UBAC2: variants seen among roughly 807,000 people sequenced by gnomAD.
UBAC2 encodes the protein ubiquitin-associated domain-containing protein 2.
Under a neutral mutation model 44.0 loss-of-function variants are expected in UBAC2, and 26 were observed. The observed-to-expected ratio is 0.59, with a 90% CI of 0.43 to 0.82. UBAC2 has a LOEUF of 0.82. Among genes scored for constraint, UBAC2 ranks in the 40% least tolerant of loss-of-function variants. UBAC2 has a pLI of 0.00. For missense variants in UBAC2, 329 were observed against 419.4 expected, an observed-to-expected ratio of 0.78 and a Z score of 1.88; for synonymous variants, 155 against 154.3, an observed-to-expected ratio of 1.00 and a Z score of -0.04.
intron 3 of UBAC2, 142 bp from the exon 4 acceptor site, chr13:99,244,373 A>G: frequency 3.6e-6 from 2 of 552,560 alleles, no homozygotes; most frequent in Non-Finnish European, 6.3e-6. Context: ...TTTCAAATAT[A>G]TATACACACA....
At chr13:99,375,597 T>G (rs1318295255) in intron 8 of UBAC2, among the ~76,000 whole-genome samples, 1 of 152,102 alleles carries the variant, frequency 6.6e-6, no homozygotes, top group African/African-American at 2.4e-5. Context: ...AAAACATTTG[T>G]TTTTGACGCA....
chr13:99,200,941 T>G lies in UBAC2; in HGVS notation c.31+2T>G, dbSNP rs2042786790. 2.3e-6 allele frequency: 3 copies of G among 1,308,382 alleles called. No individual in the cohort carries two copies. The highest frequency in any genetic ancestry group is 2.9e-6 in the Non-Finnish European group (3 of 1,020,440). The allele number at this position is 1,308,382 out of a possible 1,614,324, so 81.0% of individuals were successfully genotyped here. On this transcript the variant is annotated splice_donor_variant, in intron 1 of 8. Coordinates refer to ENST00000403766, the MANE Select transcript of UBAC2 (RefSeq NM_001144072.2). LOFTEE classifies it high-confidence loss of function. ...CCAGCACCGGCTCCAGTGGGCTCTG[T>G]GAGTACCGGCCTCCGCCATCCTGGC... is the stretch of plus-strand genomic sequence containing the variant.
At chr13:99,236,137 G>C (rs1189445017) in intron 1 of UBAC2, among the ~76,000 whole-genome samples, 1 of 152,164 alleles carries the variant, frequency 6.6e-6, no homozygotes, top group Non-Finnish European at 1.5e-5. Flanking sequence ...CCAGGACGTT[G>C]GTCTGGGCAA....
At chr13:99,384,494 A>C (rs1269491358) in intron 8 of UBAC2, among the ~76,000 whole-genome samples, 1 of 152,366 alleles carries the variant, frequency 6.6e-6, no homozygotes, top group Non-Finnish European at 1.5e-5. Context: ...TCACAGAATC[A>C]GGATTTGTGG....
chr13:99,309,118 TC>T (rs2044377760), intron 4 of UBAC2, among the ~76,000 whole-genome samples: 2 of 151,928 alleles, frequency 1.3e-5, no homozygotes, highest in African/African-American at 4.8e-5. Flanking sequence ...CTCCCAACCT[TC>T]TTTTTTTTTT....
intron 4 of UBAC2, chr13:99,256,272 T>C (rs1037762304): frequency 1.3e-5 from 2 of 157,270 alleles, no homozygotes; most frequent in African/African-American, 4.8e-5. Context: ...CTTGTGTAGC[T>C]GGCTATTAAA....
intron 4 of UBAC2, among the ~76,000 whole-genome samples, chr13:99,269,131 T>A (rs944307262): frequency 6.6e-6 from 1 of 152,160 alleles, no homozygotes; most frequent in East Asian, 1.9e-4. Flanking sequence ...CTGAGGATAC[T>A]CAGGCTGTGG....
At chr13:99,260,603 G>A (rs2043645856) in intron 4 of UBAC2, among the ~76,000 whole-genome samples, 1 of 152,174 alleles carries the variant, frequency 6.6e-6, no homozygotes, top group Non-Finnish European at 1.5e-5. Flanking sequence ...TGTTGGCAGG[G>A]AATTATAGTG....
intron 2 of UBAC2, among the ~76,000 whole-genome samples, chr13:99,242,508 GC>G (rs1207175526): frequency 3.3e-5 from 4 of 122,260 alleles, no homozygotes; most frequent in African/African-American, 1.3e-4. Flanking sequence ...GCGGGGGGCT[GC>G]CCCCCCCACC....
chr13:99,243,276 T>C (rs1469033663), intron 2 of UBAC2, among the ~76,000 whole-genome samples: 1 of 151,296 alleles, frequency 6.6e-6, no homozygotes, highest in Non-Finnish European at 1.5e-5. Context: ...TTATATGTTT[T>C]TTATGCAGCC....
rs139537315 is a variant in UBAC2 at position 99,383,685 on chromosome 13, C to A, written c.928-1543C>A. On this transcript the variant is annotated intron_variant, in intron 8 of 8. Coordinates refer to ENST00000403766, the MANE Select transcript of UBAC2 (RefSeq NM_001144072.2). Reference sequence around the variant, plus strand: ...AACGTTCCGGGGAGGAGCACGCTCACTGCGTGCATTTGTAAGCCTAGTCCT... The same window carrying A: ...AACGTTCCGGGGAGGAGCACGCTCAATGCGTGCATTTGTAAGCCTAGTCCT... Among the ~76,000 whole-genome samples the A allele has an allele frequency of 4.4e-3, 667 of 152,396 alleles. 2 individuals carry two copies. Among genetic ancestry groups the A allele is most frequent in the Middle Eastern group, 0.02 (6 of 294 alleles).
At chr13:99,244,308 C>A (rs1367601052) in intron 3 of UBAC2, among the ~76,000 whole-genome samples, 1 of 151,698 alleles carries the variant, frequency 6.6e-6, no homozygotes, top group Non-Finnish European at 1.5e-5. Context: ...TACATTTGAG[C>A]AATATGGGTT....
intron 4 of UBAC2, chr13:99,296,095 C>G (rs747987963): frequency 1.9e-6 from 3 of 1,612,534 alleles, no homozygotes; most frequent in African/African-American, 2.7e-5. Context: ...AGTCATTTCC[C>G]TGAGGAGTTG....
intron 4 of UBAC2, among the ~76,000 whole-genome samples, chr13:99,249,261 A>G (rs183856819): frequency 1.0e-3 from 154 of 151,312 alleles, no homozygotes; most frequent in South Asian, 9.8e-3. Flanking sequence ...CCCAGTGTTT[A>G]GCTCCCACTT....
chr13:99,281,556 A>G (rs536096818), intron 4 of UBAC2, among the ~76,000 whole-genome samples: 1 of 152,292 alleles, frequency 6.6e-6, no homozygotes, highest in East Asian at 1.9e-4. Context: ...ACAGCCCTGG[A>G]AGGTGAGAAC....
intron 1 of UBAC2, among the ~76,000 whole-genome samples, chr13:99,228,641 G>A (rs554960504): frequency 2.5e-4 from 38 of 152,206 alleles, no homozygotes; most frequent in Non-Finnish European, 4.1e-4. Context: ...CACTTTTGAG[G>A]TAGGTTCTCA....
chr13:99,255,285 G>A (rs1180887157), intron 4 of UBAC2: 2 of 1,613,672 alleles, frequency 1.2e-6, no homozygotes, highest in East Asian at 4.5e-5. Context: ...AAGGAATCAA[G>A]AAAAAAAATG....
chr13:99,344,511 A>G (rs2044942697), intron 7 of UBAC2, among the ~76,000 whole-genome samples: 1 of 152,214 alleles, frequency 6.6e-6, no homozygotes. Context: ...CATTTAAAAT[A>G]CAACTGTTAT....
intron 1 of UBAC2, among the ~76,000 whole-genome samples, chr13:99,224,890 G>A (rs1436227157): frequency 2.6e-5 from 4 of 152,158 alleles, no homozygotes; most frequent in Non-Finnish European, 2.9e-5. Flanking sequence ...GTTGATGAGC[G>A]AATCTTGTTG....
Sources: gnomAD v4.1 joint callset for allele counts (sites outside exome capture counted in the v4.1 genomes callset) on GRCh38, gnomAD v4.1.1 for gene constraint, MANE v1.5 for transcripts, NCBI Gene and HGNC (gene_info 2026-07-23, HGNC 2026-07-21) for gene names.